Variants in APBB2 observed in about 807,000 individuals in gnomAD.
The protein encoded by APBB2 is amyloid beta precursor protein binding family B member 2.
A neutral mutation model predicts 82.5 loss-of-function variants in APBB2; 38 were observed. That is an observed-to-expected ratio of 0.46 (90% confidence interval 0.36 to 0.60). The LOEUF (loss-of-function observed/expected upper bound fraction) is 0.60. APBB2 is among the 20% of genes least tolerant of loss of function. The pLI is 0.00. For synonymous variants in APBB2, 341 were observed against 368.2 expected (o/e 0.93, Z 0.85); for missense variants, 772 against 972.3 (o/e 0.79, Z 2.74).
At chr4:40,879,433 C>G (rs1560776376) in intron 12 of APBB2, among the ~76,000 whole-genome samples, 1 of 152,092 alleles carries the variant, frequency 6.6e-6, no homozygotes, top group Non-Finnish European at 1.5e-5. Context: ...ACTTAAACAC[C>G]AATTCTGACT....
At chr4:41,191,964 TA>T (rs1774570496) in intron 1 of APBB2, among the ~76,000 whole-genome samples, 1 of 152,026 alleles carries the variant, frequency 6.6e-6, no homozygotes, top group Admixed American at 6.6e-5. Flanking sequence ...AAAAAATGAA[TA>T]AGTCACCTGG....
In APBB2 at chr4:41,193,254, G is replaced by A. The variant is rs563807884; in HGVS notation, c.-417+21151C>T. 9.5e-4 allele frequency among the ~76,000 whole-genome samples: 145 copies of A among 152,306 alleles called. 1 individual carries two copies. Among genetic ancestry groups the A allele is most frequent in the Non-Finnish European group, 1.4e-3 (98 of 68,016 alleles). On this transcript the variant is annotated intron_variant, in intron 1 of 17. Transcript: ENST00000508593. ...TAACTTAACAGTAAAATAGGGAAAA[G>A]ATGATAAAGACCTGGAAAAAGAACA...
At position 40,811,582 on chromosome 4, in the gene APBB2, A is replaced by G. The variant is rs1244238962; in HGVS notation, c.*4510T>C. The G allele has an allele frequency of 6.6e-6, 1 of 151,950 alleles. No individual in the cohort carries two copies. The highest frequency in any genetic ancestry group is 1.5e-5 in the Non-Finnish European group (1 of 67,984). The allele number at this position is 151,950 out of a possible 1,614,324, so 9.4% of individuals were successfully genotyped here. On this transcript the variant is annotated 3_prime_UTR_variant, in exon 18 of 18. Coordinates refer to ENST00000508593, the MANE Select transcript of APBB2 (RefSeq NM_004307.2). The stretch of plus-strand genomic sequence containing the variant: ...AAGCAATATGAGGGAATTCTAATGA[A>G]GGAGAATATTGATTCCACTGACATG...
chr4:40,920,214 G>C (rs1482087433), intron 10 of APBB2, among the ~76,000 whole-genome samples: 1 of 152,120 alleles, frequency 6.6e-6, no homozygotes, highest in Non-Finnish European at 1.5e-5. Context: ...CACGAGATCT[G>C]ATGGTTTTAT....
chr4:41,018,462 A>C (rs574171303), intron 5 of APBB2, among the ~76,000 whole-genome samples: 47 of 152,274 alleles, frequency 3.1e-4, no homozygotes, highest in Non-Finnish European at 5.3e-4. Flanking sequence ...CAAGACATGA[A>C]AGGAGAGGCG....
rs1278953421 is a variant in APBB2 at position 41,159,940 on chromosome 4, GAGGAGAAGGAGA to G, written c.-416-16810_-416-16799del. 7.5e-5 allele frequency among the ~76,000 whole-genome samples: 3 copies of G among 40,032 alleles called. 1 individual carries two copies. The highest frequency in any genetic ancestry group is 2.3e-3 in the South Asian group (2 of 880). The allele number at this position is 40,032 out of a possible 152,430, so 26.3% of individuals were successfully genotyped here. The stretch of plus-strand genomic sequence containing the variant: ...GGAGGAGGAGGAGGAGGAGGAGGAG[GAGGAGAAGGAGA>G]AGGAGAAGGAGAAGAAGAAGAAGAA... On this transcript the variant is annotated intron_variant, in intron 1 of 17. Transcript: ENST00000508593.
rs1745223015 is a variant in APBB2, at chr4:40,814,966, T to C, written c.*1126A>G. On this transcript the variant is annotated 3_prime_UTR_variant, in exon 18 of 18. Coordinates refer to ENST00000508593, the MANE Select transcript of APBB2 (RefSeq NM_004307.2). ...TAAATACATAAAATCAAGGAAAGGT[T>C]CAACCTAATGTAATTTGTTGCCATG... 6.6e-6 allele frequency: 1 copy of C among 152,230 alleles called. No homozygotes were observed. The highest frequency in any genetic ancestry group is 2.1e-4 in the South Asian group (1 of 4,836). The allele number at this position is 152,230 out of a possible 1,614,324, so 9.4% of individuals were successfully genotyped here. A position where few individuals can be genotyped will look rare whatever the true frequency, so the allele number is the denominator to read the frequency against.
chr4:40,820,859 C>T (rs1747647019), intron 17 of APBB2, among the ~76,000 whole-genome samples: 1 of 151,946 alleles, frequency 6.6e-6, no homozygotes, highest in South Asian at 2.1e-4. Flanking sequence ...TTGGTGCCCA[C>T]ACTCATATAG....
chr4:40,816,154 G>A lies in APBB2; in HGVS notation c.2218C>T (p.Arg740Ter), dbSNP rs752482685. ...GTGTCAATGAGGGATAAGACCCCTC[G>A]TTTTACATTGGTTGTGACTCTTCTG... is the stretch of plus-strand genomic sequence containing the variant. ...VTRRVTTNVK[R>*]GVLSLIDTLK... The change falls in exon 18 of 18, where the codon CGA (arginine) becomes TGA (stop). Residue 740 changes from arginine to a stop codon, truncating the protein, a stop_gained. Transcript: ENST00000508593. LOFTEE classifies it high-confidence loss of function. The A allele has an allele frequency of 5.0e-5, 80 of 1,614,042 alleles. No homozygotes were observed. Among genetic ancestry groups the A allele is most frequent in the Non-Finnish European group, 6.3e-5 (74 of 1,180,036 alleles).
At chr4:40,898,053 T>C (rs114974056) in intron 10 of APBB2, among the ~76,000 whole-genome samples, 243 of 152,348 alleles carry the variant, frequency 1.6e-3, no homozygotes, top group African/African-American at 5.6e-3. Context: ...CAGAGGAGTC[T>C]GGATTCAAGT....
At chr4:40,818,747 T>G (rs1032815117) in intron 17 of APBB2, among the ~76,000 whole-genome samples, 3 of 152,180 alleles carry the variant, frequency 2.0e-5, no homozygotes, top group African/African-American at 7.2e-5. Flanking sequence ...GAGGATGGTG[T>G]AAGTGTGACA....
intron 10 of APBB2, among the ~76,000 whole-genome samples, chr4:40,895,830 C>A (rs945809477): frequency 7.9e-5 from 12 of 152,186 alleles, no homozygotes; most frequent in Admixed American, 1.3e-4. Flanking sequence ...TGAGTCCTCA[C>A]CCCAACCCTT....
intron 6 of APBB2, among the ~76,000 whole-genome samples, chr4:40,979,213 G>T (rs762621915): frequency 6.6e-6 from 1 of 152,150 alleles, no homozygotes; most frequent in Non-Finnish European, 1.5e-5. Flanking sequence ...ATTAATTTGA[G>T]ATCTCTAGAA....
At position 41,087,753 on chromosome 4, in the gene APBB2, G is replaced by A. The variant is rs147282533; in HGVS notation, c.-149+12886C>T. On this transcript the variant is annotated intron_variant, in intron 3 of 17. Transcript: ENST00000508593. ...CAGAATCCAGTATTTTAAACAAAGC[G>A]GTATCATCACTAATATTCAGGCCTA... Among the ~76,000 whole-genome samples, 377 of 152,174 alleles carry A rather than the reference G, an allele frequency of 2.5e-3. 1 individual carries two copies. Among genetic ancestry groups the A allele is most frequent in the African/African-American group, 8.0e-3 (334 of 41,544 alleles).
intron 12 of APBB2, among the ~76,000 whole-genome samples, chr4:40,854,810 G>GAAAGA (rs1200298979): frequency 1.2e-4 from 16 of 134,066 alleles, no homozygotes; most frequent in African/African-American, 4.9e-4. Context: ...AAAAAAAAAA[G>GAAAGA]AAGAAAGAAA....
chr4:41,129,463 G>C (rs1480594816), intron 2 of APBB2, among the ~76,000 whole-genome samples: 1 of 152,146 alleles, frequency 6.6e-6, no homozygotes. Flanking sequence ...CAACAGTCTA[G>C]ACTTGGCTGA....
intron 10 of APBB2, among the ~76,000 whole-genome samples, chr4:40,906,299 T>A (rs960647274): frequency 5.6e-4 from 84 of 150,010 alleles, no homozygotes; most frequent in African/African-American, 2.0e-3. Context: ...TACAAAAAAA[T>A]TTAAAAATTA....
chr4:40,820,621 C>A (rs984866316), intron 17 of APBB2, among the ~76,000 whole-genome samples: 5 of 151,940 alleles, frequency 3.3e-5, no homozygotes, highest in Non-Finnish European at 7.4e-5. Context: ...GCTGAGATCG[C>A]GCCATTGCAC....
chr4:40,923,005 C>T (rs1170245642), intron 10 of APBB2, among the ~76,000 whole-genome samples: 6 of 150,494 alleles, frequency 4.0e-5, no homozygotes, highest in African/African-American at 1.2e-4. Flanking sequence ...GACGGAGTCC[C>T]GCTCTTTAGC....
Sources: gnomAD v4.1 joint callset for allele counts (sites outside exome capture counted in the v4.1 genomes callset) on GRCh38, gnomAD v4.1.1 for gene constraint, MANE v1.5 for transcripts, NCBI Gene and HGNC (gene_info 2026-07-23, HGNC 2026-07-21) for gene names.